The following TAMM41 variants were observed in gnomAD, a reference collection of about 807,000 sequenced individuals.
TAMM41 encodes the protein TAM41 mitochondrial translocator assembly and maintenance homolog.
TAMM41 carries 36 observed loss-of-function variants against 44.1 expected under a neutral mutation model. The ratio of observed to expected loss-of-function variants is 0.82; its 90% CI spans 0.63 to 1.08. TAMM41 has a LOEUF of 1.08. TAMM41 is among the 50% of genes least tolerant of loss of function. The probability of loss-of-function intolerance (pLI) is 0.00; values close to 1 mark genes in which losing one functional copy is unlikely to be tolerated. For synonymous variants in TAMM41, 164 were observed against 153.1 expected, an observed-to-expected ratio of 1.07 and a Z score of -0.53; for missense variants, 417 against 404.3, an observed-to-expected ratio of 1.03 and a Z score of -0.27.
rs1268912128 is a variant in TAMM41 at position 11,846,825 on chromosome 3, G to A, written c.-189C>T. 5.7e-6 allele frequency: 4 copies of A among 696,128 alleles called. No homozygotes were observed. The highest frequency in any genetic ancestry group is 9.4e-6 in the Non-Finnish European group (4 of 425,270). The allele number at this position is 696,128 out of a possible 1,614,324, so 43.1% of individuals were successfully genotyped here. A position where few individuals can be genotyped will look rare whatever the true frequency, so the allele number is the denominator to read the frequency against. ...GGGCGTTGGGCCACGAAGAGCAGCG[G>A]CGAGAAGACGCAGCCCAGATAGGCT... On this transcript the variant is annotated 5_prime_UTR_variant, in exon 1 of 8. Coordinates refer to ENST00000455809, the MANE Select transcript of TAMM41 (RefSeq NM_001284401.2).
chr3:11,735,031 AG>A, the TAMM41 span, among the ~76,000 whole-genome samples: 1 of 150,674 alleles, frequency 6.6e-6, no homozygotes, highest in East Asian at 2.0e-4. Flanking sequence ...CCTGGGCAAC[AG>A]AGCGAGACTC....
intron 4 of TAMM41, among the ~76,000 whole-genome samples, chr3:11,820,870 C>A (rs137863549): frequency 6.6e-6 from 1 of 152,206 alleles, no homozygotes; most frequent in Non-Finnish European, 1.5e-5. Flanking sequence ...CCAAGGCCTG[C>A]AAGCCACCTG....
the TAMM41 span, among the ~76,000 whole-genome samples, chr3:11,749,846 G>A: frequency 3.3e-5 from 5 of 152,050 alleles, no homozygotes; most frequent in African/African-American, 1.2e-4. Flanking sequence ...ATCTCTGCAT[G>A]CATGTGTACT....
intron 4 of TAMM41, among the ~76,000 whole-genome samples, chr3:11,820,514 C>T (rs1240091366): frequency 6.6e-6 from 1 of 152,178 alleles, no homozygotes; most frequent in East Asian, 1.9e-4. Context: ...TGTCTGCATC[C>T]TTAGCTCCTT....
chr3:11,768,802 A>G, the TAMM41 span, among the ~76,000 whole-genome samples: 1 of 152,200 alleles, frequency 6.6e-6, no homozygotes, highest in Admixed American at 6.5e-5. Context: ...AAACACATAA[A>G]TATGTCATTG....
chr3:11,839,128 C>T, intron 3 of TAMM41, 94 bp downstream of exon 3: 2 of 712,990 alleles, frequency 2.8e-6, no homozygotes, highest in Non-Finnish European at 4.7e-6. Context: ...TTTCTATTTC[C>T]AGAGTTCCAT....
At chr3:11,755,853 C>G in the TAMM41 span, among the ~76,000 whole-genome samples, 1 of 152,194 alleles carries the variant, frequency 6.6e-6, no homozygotes, top group Admixed American at 6.5e-5. Flanking sequence ...ATAATTTCAC[C>G]CCATGAAGCA....
chr3:11,780,378 C>T, the TAMM41 span, among the ~76,000 whole-genome samples: 2 of 152,176 alleles, frequency 1.3e-5, no homozygotes, highest in African/African-American at 4.8e-5. Flanking sequence ...TCTTCCTTCT[C>T]CTCTGGCTAA....
intron 4 of TAMM41, among the ~76,000 whole-genome samples, chr3:11,823,866 G>A (rs573240655): frequency 1.2e-3 from 152 of 131,048 alleles, no homozygotes; most frequent in Middle Eastern, 4.9e-3. Flanking sequence ...TTACTCGGTC[G>A]CCAGGCTGGA....
the TAMM41 span, among the ~76,000 whole-genome samples, chr3:11,724,169 T>A: frequency 6.6e-6 from 1 of 152,066 alleles, no homozygotes; most frequent in Non-Finnish European, 1.5e-5. Flanking sequence ...AGTGGCATGA[T>A]CTCGGCTCAC....
the TAMM41 span, among the ~76,000 whole-genome samples, chr3:11,780,186 T>C: frequency 2.0e-5 from 3 of 152,336 alleles, no homozygotes; most frequent in East Asian, 5.8e-4. Context: ...GGGATAACAA[T>C]GAACAGACTA....
Position 11,817,242 on chromosome 3 carries a change from G to A in TAMM41, c.658C>T (p.Leu220=), listed in dbSNP as rs780112085. The A allele has an allele frequency of 2.5e-6, 4 of 1,613,104 alleles. No individual in the cohort carries two copies. The African/African-American group carries it at 4.0e-5, about 16-fold the overall frequency. ...TACACCACTTGAGGATTTTCCTGTAGTATGCTGCCATAGAGCTCTCGAAAG... is the reference window on the plus strand; with the variant it reads ...TACACCACTTGAGGATTTTCCTGTAATATGCTGCCATAGAGCTCTCGAAAG... ...AHFRELYGSI[L]QENPQVVYKS... The change falls in exon 5 of 8, where the codon CTA becomes TTA. Residue 220 remains leucine (L), a synonymous_variant. Transcript: ENST00000455809.
the TAMM41 span, among the ~76,000 whole-genome samples, chr3:11,732,889 C>A: frequency 6.6e-6 from 1 of 152,020 alleles, no homozygotes; most frequent in African/African-American, 2.4e-5. Context: ...TCAAGAAAAA[C>A]CTGGGAAGTG....
chr3:11,784,688 G>A, the TAMM41 span, among the ~76,000 whole-genome samples: 1 of 152,002 alleles, frequency 6.6e-6, no homozygotes, highest in Admixed American at 6.6e-5. Flanking sequence ...AATCCAGTTG[G>A]GATTCTAATT....
the TAMM41 span, among the ~76,000 whole-genome samples, chr3:11,748,873 A>G: frequency 2.7e-5 from 4 of 147,508 alleles, no homozygotes; most frequent in Admixed American, 1.4e-4. Flanking sequence ...GAACTTTCCC[A>G]TGTGTTATCA....
intron 7 of TAMM41, among the ~76,000 whole-genome samples, chr3:11,797,147 T>C (rs1004074506): frequency 1.3e-5 from 2 of 152,308 alleles, no homozygotes; most frequent in East Asian, 3.9e-4. Context: ...AAAAAAACTA[T>C]TTTAAAATTC....
rs192263961 is a variant in TAMM41, at chr3:11,834,209, C to T, written c.412-4345G>A. 5.3e-3 allele frequency among the ~76,000 whole-genome samples: 802 copies of T among 152,144 alleles called. 1 individual carries two copies. The highest frequency in any genetic ancestry group is 8.6e-3 in the Non-Finnish European group (584 of 67,988). ...TTGTGTTCATGCCACTCCACTTCAG[C>T]CTGGGTGACAAAGCAACACTCTGTC... On this transcript the variant is annotated intron_variant, in intron 3 of 7. Transcript: ENST00000455809.
chr3:11,834,074 C>G (rs955037343), intron 3 of TAMM41, among the ~76,000 whole-genome samples: 1 of 152,024 alleles, frequency 6.6e-6, no homozygotes, highest in African/African-American at 2.4e-5. Flanking sequence ...AAAACCCCAT[C>G]TTCACAAAAA....
chr3:11,786,312 TA>T (rs376667611), downstream of TAMM41, among the ~76,000 whole-genome samples: 1,997 of 146,038 alleles, frequency 0.014, 57 homozygotes, highest in African/African-American at 0.046. Flanking sequence ...TTATTATTAT[TA>T]TTATTTTTTG....
Sources: gnomAD v4.1 joint callset for allele counts (sites outside exome capture counted in the v4.1 genomes callset) on GRCh38, gnomAD v4.1.1 for gene constraint, MANE v1.5 for transcripts, NCBI Gene and HGNC (gene_info 2026-07-23, HGNC 2026-07-21) for gene names.